NAV2: variants seen among roughly 807,000 people sequenced by gnomAD.
NAV2 encodes neuron navigator 2, also known as helicase, APC down-regulated 1.
Under a neutral mutation model 223.2 loss-of-function variants are expected in NAV2, and 54 were observed. The ratio of observed to expected loss-of-function variants is 0.24; its 90% CI spans 0.19 to 0.30. The LOEUF (loss-of-function observed/expected upper bound fraction) is 0.30. Among genes scored for constraint, NAV2 ranks in the 10% least tolerant of loss-of-function variants. The pLI, the probability that NAV2 is intolerant of heterozygous loss-of-function variation, is 1.00. For synonymous variants in NAV2, 1,279 were observed against 1,239.3 expected, an observed-to-expected ratio of 1.03 and a Z score of -0.67; for missense variants, 2,806 against 3,147.5, an observed-to-expected ratio of 0.89 and a Z score of 2.60.
chr11:20,028,249 C>T (rs76627424), intron 11 of NAV2, among the ~76,000 whole-genome samples: 1 of 151,980 alleles, frequency 6.6e-6, no homozygotes, highest in Non-Finnish European at 1.5e-5. Context: ...TGCTTTAAGC[C>T]CTCTGAGTGG....
intron 1 of NAV2, among the ~76,000 whole-genome samples, chr11:19,671,976 A>G (rs1355683116): frequency 2.0e-5 from 3 of 152,130 alleles, no homozygotes; most frequent in African/African-American, 7.3e-5. Flanking sequence ...AGACATTCAC[A>G]GACAGGCCAT....
intron 11 of NAV2, among the ~76,000 whole-genome samples, chr11:19,989,613 A>G (rs1395085830): frequency 6.6e-6 from 1 of 152,222 alleles, no homozygotes; most frequent in East Asian, 1.9e-4. Context: ...AACTTATATC[A>G]GAAGGTAATA....
At chr11:19,604,770 T>A (rs1411336277) in intron 1 of NAV2, among the ~76,000 whole-genome samples, 1 of 152,150 alleles carries the variant, frequency 6.6e-6, no homozygotes, top group Non-Finnish European at 1.5e-5. Context: ...TTCCCATGTG[T>A]CGTGAGAGGA....
chr11:19,763,319 C>T (rs1463152068), intron 1 of NAV2, among the ~76,000 whole-genome samples: 1 of 152,166 alleles, frequency 6.6e-6, no homozygotes, highest in African/African-American at 2.4e-5. Flanking sequence ...AAGAATAAGG[C>T]ATAGCATGCA....
At chr11:19,583,968 G>A (rs1038377426) in intron 1 of NAV2, among the ~76,000 whole-genome samples, 24 of 152,278 alleles carry the variant, frequency 1.6e-4, no homozygotes, top group South Asian at 4.1e-4. Flanking sequence ...GCTCCTCCTT[G>A]TACCTCTGGT....
chr11:19,933,299 G>T lies in NAV2; in HGVS notation c.1055G>T (p.Gly352Val), dbSNP rs755702537. 3.1e-6 allele frequency: 5 copies of T among 1,613,564 alleles called. No homozygotes were observed. Among genetic ancestry groups the T allele is most frequent in the Non-Finnish European group, 4.2e-6 (5 of 1,179,738 alleles). Residue 352 changes from glycine (G) to valine (V), a missense_variant, in exon 7 of 38, where the codon GGT (glycine) becomes GTT (valine). Coordinates refer to ENST00000349880, the MANE Select transcript of NAV2 (RefSeq NM_145117.5). The surrounding 1 kb of genome is among the most constrained non-coding windows in gnomAD (Gnocchi z 4.3). ...ACCTCCTCGGCCATCCCGCAGCCCG[G>T]TGCAGCCACCAAGCCTTGGCGCAGC... ...CSTSSAIPQP[G>V]AATKPWRSKS...
At chr11:19,805,747 T>C (rs1052527211) in intron 1 of NAV2, among the ~76,000 whole-genome samples, 5 of 152,214 alleles carry the variant, frequency 3.3e-5, no homozygotes, top group African/African-American at 1.2e-4. Flanking sequence ...AACGCTTGTG[T>C]TGTGGCTGCT....
intron 5 of NAV2, among the ~76,000 whole-genome samples, chr11:19,881,146 A>G (rs1741596021): frequency 6.6e-6 from 1 of 152,198 alleles, no homozygotes; most frequent in Admixed American, 6.5e-5. Context: ...GCTGCCTTTT[A>G]GACAGTTACA....
At chr11:19,785,647 C>CTTTTTTTT (rs3214722) in intron 1 of NAV2, among the ~76,000 whole-genome samples, 3,545 of 141,768 alleles carry the variant, frequency 0.025, 59 homozygotes, top group Middle Eastern at 0.038. Flanking sequence ...CGTCAGCTGG[C>CTTTTTTTT]TTTTTTTTTT....
chr11:19,437,105 G>C (rs1479647732), intron 1 of NAV2, among the ~76,000 whole-genome samples: 1 of 152,102 alleles, frequency 6.6e-6, no homozygotes, highest in Non-Finnish European at 1.5e-5. Flanking sequence ...AGGTAGGCAA[G>C]ACTGTGAAAG....
chr11:19,940,144 CTAAAA>C (rs1270689802), intron 8 of NAV2, among the ~76,000 whole-genome samples: 1 of 151,870 alleles, frequency 6.6e-6, no homozygotes, highest in African/African-American at 2.4e-5. Context: ...ATTTAGAATT[CTAAAA>C]TAGTGGATTT....
At chr11:19,938,978 T>C (rs1233758149) in intron 7 of NAV2, among the ~76,000 whole-genome samples, 3 of 152,252 alleles carry the variant, frequency 2.0e-5, no homozygotes, top group African/African-American at 4.8e-5. Context: ...TTGCATGCCA[T>C]GCCTGAATGA....
Position 19,713,217 on chromosome 11 carries a change from G to A in NAV2, c.-479G>A. Reference sequence around the variant, plus strand: ...TCGCTGCTGTCTCCTTTCCTTCCTTGGCTGCTCGCTCTTTCTCTCGCCGGC... The same window carrying A: ...TCGCTGCTGTCTCCTTTCCTTCCTTAGCTGCTCGCTCTTTCTCTCGCCGGC... On this transcript the variant is annotated 5_prime_UTR_variant, in exon 1 of 38. Transcript: ENST00000349880. The surrounding 1 kb of genome is among the most constrained non-coding windows in gnomAD (Gnocchi z 7.2). 1 of 691,802 alleles carries A rather than the reference G, an allele frequency of 1.4e-6. No homozygotes were observed. The highest frequency in any genetic ancestry group is 1.8e-6 in the Non-Finnish European group (1 of 561,088). 42.9% of individuals were successfully genotyped at this position (691,802 alleles called of 1,614,324 possible).
chr11:20,075,965 G>C (rs7126335), intron 22 of NAV2, among the ~76,000 whole-genome samples: 48,700 of 151,862 alleles, frequency 0.32, 8,682 homozygotes, highest in African/African-American at 0.48. Context: ...TTCTCAGGTA[G>C]TCTCACTCCT....
chr11:19,889,164 C>T (rs929391370), intron 5 of NAV2, among the ~76,000 whole-genome samples: 5 of 152,184 alleles, frequency 3.3e-5, no homozygotes, highest in Non-Finnish European at 7.3e-5. Context: ...TGGATGGACT[C>T]ATCATCCCAA....
chr11:20,066,769 A>G (rs1591951741), intron 20 of NAV2, among the ~76,000 whole-genome samples: 2 of 152,304 alleles, frequency 1.3e-5, no homozygotes, highest in East Asian at 3.9e-4. Context: ...GCCTAGTAAA[A>G]TTGGATTAGG....
chr11:19,529,703 G>A (rs920554193), intron 1 of NAV2, among the ~76,000 whole-genome samples: 10 of 152,154 alleles, frequency 6.6e-5, no homozygotes, highest in Non-Finnish European at 1.2e-4. Flanking sequence ...ATGTGGGGTG[G>A]AAGTTGCTGA....
At chr11:19,613,698 C>A (rs116317540) in intron 1 of NAV2, among the ~76,000 whole-genome samples, 4,000 of 152,308 alleles carry the variant, frequency 0.026, 146 homozygotes, top group African/African-American at 0.082. Context: ...GGGCAAGAAC[C>A]AAGCGGCCAG....
intron 1 of NAV2, chr11:19,777,371 C>T (rs1324014381): frequency 4.7e-5 from 20 of 424,954 alleles, no homozygotes; most frequent in Non-Finnish European, 7.9e-5. Context: ...GACTGGACGG[C>T]CAGACCTGCC....
Sources: gnomAD v4.1 joint callset for allele counts (sites outside exome capture counted in the v4.1 genomes callset) on GRCh38, gnomAD v4.1.1 for gene constraint, Gnocchi (gnomAD v3.1) non-coding constraint, MANE v1.5 for transcripts, NCBI Gene and HGNC (gene_info 2026-07-23, HGNC 2026-07-21) for gene names.